SUSD6: variants seen among roughly 807,000 people sequenced by gnomAD.
The protein encoded by SUSD6 is sushi domain containing 6.
Under a neutral mutation model 28.4 loss-of-function variants are expected in SUSD6, and 16 were observed. That is an observed-to-expected ratio of 0.56 (90% confidence interval 0.38 to 0.86). SUSD6 has a LOEUF of 0.86. Ranked by LOEUF, SUSD6 falls within the 40% of genes least tolerant of loss-of-function variation. SUSD6 has a pLI of 0.00. For missense variants in SUSD6, 341 were observed against 384.2 expected, an observed-to-expected ratio of 0.89 and a Z score of 0.94; for synonymous variants, 147 against 159.6, an observed-to-expected ratio of 0.92 and a Z score of 0.59.
At chr14:69,686,203 G>T (rs1303991126) in intron 2 of SUSD6, among the ~76,000 whole-genome samples, 1 of 152,176 alleles carries the variant, frequency 6.6e-6, no homozygotes, top group African/African-American at 2.4e-5. Context: ...CTGCTCAGTT[G>T]TGAAGAGAAA....
chr14:69,672,830 G>A (rs1885853601), intron 2 of SUSD6, among the ~76,000 whole-genome samples: 1 of 152,240 alleles, frequency 6.6e-6, no homozygotes, highest in South Asian at 2.1e-4. Flanking sequence ...AGGCCTAGGT[G>A]CATTGGTCCA....
intron 5 of SUSD6, 66 bp from the exon 6 acceptor site, chr14:69,710,888 G>A (rs1032709355): frequency 1.4e-6 from 2 of 1,478,920 alleles, no homozygotes; most frequent in Non-Finnish European, 1.9e-6. Context: ...AGTTGCAGTG[G>A]GGTCGAGAGT....
intron 2 of SUSD6, among the ~76,000 whole-genome samples, chr14:69,695,948 A>G (rs1189755596): frequency 1.3e-5 from 2 of 152,208 alleles, no homozygotes; most frequent in African/African-American, 4.8e-5. Context: ...TCTAATTCCA[A>G]CTTGCCTGGG....
At chr14:69,630,759 A>G (rs568931580) in intron 1 of SUSD6, among the ~76,000 whole-genome samples, 4 of 152,290 alleles carry the variant, frequency 2.6e-5, no homozygotes, top group East Asian at 3.9e-4. Flanking sequence ...GAGCATTAAT[A>G]TGCAATGTAT....
At chr14:69,676,560 T>TA (rs963160748) in intron 2 of SUSD6, among the ~76,000 whole-genome samples, 42 of 152,214 alleles carry the variant, frequency 2.8e-4, no homozygotes, top group Non-Finnish European at 5.3e-4. Flanking sequence ...TTTTATTTTT[T>TA]AAAAAAATTG....
chr14:69,706,718 C>G (rs1053827221), intron 4 of SUSD6, among the ~76,000 whole-genome samples: 35 of 152,318 alleles, frequency 2.3e-4, no homozygotes, highest in African/African-American at 7.2e-4. Flanking sequence ...CCTCAGCCTC[C>G]TAAAGTGCTC....
At chr14:69,638,611 G>A (rs1885300948) in intron 1 of SUSD6, among the ~76,000 whole-genome samples, 1 of 152,084 alleles carries the variant, frequency 6.6e-6, no homozygotes, top group South Asian at 2.1e-4. Context: ...AATCACCTGG[G>A]GAACCTTACT....
chr14:69,621,475 G>T (rs937794287), intron 1 of SUSD6, among the ~76,000 whole-genome samples: 2 of 152,160 alleles, frequency 1.3e-5, no homozygotes, highest in African/African-American at 4.8e-5. Context: ...ATTAGAGGTT[G>T]TCCAGAATGT....
At chr14:69,698,654 C>T (rs1248897542) in intron 2 of SUSD6, among the ~76,000 whole-genome samples, 1 of 152,180 alleles carries the variant, frequency 6.6e-6, no homozygotes, top group Non-Finnish European at 1.5e-5. Context: ...TGAGGGTCCT[C>T]AGCAGTTAGT....
At chr14:69,689,331 C>G (rs1051605682) in intron 2 of SUSD6, among the ~76,000 whole-genome samples, 4 of 152,120 alleles carry the variant, frequency 2.6e-5, no homozygotes, top group African/African-American at 9.7e-5. Flanking sequence ...TGCCACAGTG[C>G]TTTTGGTACT....
At chr14:69,700,138 C>T (rs1340192288) in intron 2 of SUSD6, among the ~76,000 whole-genome samples, 2 of 152,132 alleles carry the variant, frequency 1.3e-5, no homozygotes, top group African/African-American at 2.4e-5. Flanking sequence ...CTGGCATTCA[C>T]CTGTGCAAGC....
chr14:69,653,308 T>C (rs1386338305), intron 1 of SUSD6, among the ~76,000 whole-genome samples: 4 of 152,280 alleles, frequency 2.6e-5, no homozygotes, highest in Middle Eastern at 6.8e-3. Context: ...TCCCAAGAAA[T>C]AAAATCAGAA....
intron 1 of SUSD6, among the ~76,000 whole-genome samples, chr14:69,638,713 TGGACC>T (rs1885302010): frequency 6.6e-6 from 1 of 152,314 alleles, no homozygotes; most frequent in South Asian, 2.1e-4. Context: ...CTGCTGTTAA[TGGACC>T]ATACTTTGAA....
chr14:69,640,209 A>C (rs1420446061), intron 1 of SUSD6, among the ~76,000 whole-genome samples: 4 of 151,782 alleles, frequency 2.6e-5, no homozygotes, highest in African/African-American at 2.4e-5. Flanking sequence ...TTAATGAGGA[A>C]GAGATTTTGC....
At chr14:69,633,219 C>G (rs1239255270) in intron 1 of SUSD6, among the ~76,000 whole-genome samples, 1 of 152,188 alleles carries the variant, frequency 6.6e-6, no homozygotes, top group East Asian at 1.9e-4. Context: ...ATTTCTCTGC[C>G]TGTTTTTCAT....
chr14:69,705,698 A>G (rs942331610), intron 4 of SUSD6, among the ~76,000 whole-genome samples: 1 of 152,242 alleles, frequency 6.6e-6, no homozygotes, highest in African/African-American at 2.4e-5. Flanking sequence ...TTTCTGTGCA[A>G]CTAGGATTTA....
intron 1 of SUSD6, among the ~76,000 whole-genome samples, chr14:69,632,578 T>C (rs745693221): frequency 2.0e-4 from 30 of 151,924 alleles, no homozygotes; most frequent in Non-Finnish European, 4.0e-4. Context: ...TGTCAGCTCC[T>C]CCTTTCTGTA....
rs575836613 is a variant in SUSD6, at chr14:69,693,860, G to A, written c.122-9535G>A. On this transcript the variant is annotated intron_variant, in intron 2 of 5. Coordinates refer to ENST00000342745, the MANE Select transcript of SUSD6 (RefSeq NM_014734.4). ...CTCCATGTGGCTCTGGTCCTGTTAG[G>A]TAGGCAGTGTATTTTCACAGTTAGG... is the stretch of plus-strand genomic sequence containing the variant. 2.0e-5 allele frequency among the ~76,000 whole-genome samples: 3 copies of A among 152,294 alleles called. No homozygotes were observed. The East Asian group carries it at 5.8e-4, about 29-fold the overall frequency.
At chr14:69,666,622 TC>T (rs1278174073) in intron 2 of SUSD6, among the ~76,000 whole-genome samples, 2 of 152,218 alleles carry the variant, frequency 1.3e-5, no homozygotes, top group Non-Finnish European at 2.9e-5. Flanking sequence ...TGGTATTTCT[TC>T]TTTTAGGAGC....
Sources: gnomAD v4.1 joint callset for allele counts (sites outside exome capture counted in the v4.1 genomes callset) on GRCh38, gnomAD v4.1.1 for gene constraint, MANE v1.5 for transcripts, NCBI Gene and HGNC (gene_info 2026-07-23, HGNC 2026-07-21) for gene names.